Variants in CPNE9 observed in about 807,000 individuals in gnomAD.
CPNE9 encodes the protein copine-9.
CPNE9 carries 59 observed loss-of-function variants against 83.0 expected under a neutral mutation model. That is an observed-to-expected ratio of 0.71 (90% CI 0.58 to 0.88). The LOEUF is 0.88. CPNE9 is among the 40% of genes least tolerant of loss of function. CPNE9 has a pLI of 0.00. For synonymous variants in CPNE9, 256 were observed against 273.4 expected (o/e 0.94, Z 0.63); for missense variants, 619 against 720.8 (o/e 0.86, Z 1.62).
At chr3:9,715,056 C>A in intron 11 of CPNE9, 101 bp downstream of exon 11, 1 of 1,145,430 alleles carries the variant, frequency 8.7e-7, no homozygotes, top group Non-Finnish European at 1.3e-6. Context: ...CTTTAGGAGC[C>A]AGGAAAGGTG....
At chr3:9,707,940 TTTG>T (rs1465723423) in intron 7 of CPNE9, among the ~76,000 whole-genome samples, 2 of 152,014 alleles carry the variant, frequency 1.3e-5, no homozygotes, top group Non-Finnish European at 2.9e-5. Flanking sequence ...GGATGTTGGT[TTTG>T]TTGTTGTTTT....
intron 17 of CPNE9, among the ~76,000 whole-genome samples, chr3:9,725,448 T>A (rs1286660973): frequency 6.6e-6 from 1 of 151,766 alleles, no homozygotes; most frequent in Non-Finnish European, 1.5e-5. Context: ...GGCAGGAGGA[T>A]CACCTGAGCC....
chr3:9,715,848 G>A (rs1280228047), intron 13 of CPNE9, 126 bp from the exon 14 acceptor site: 2 of 763,030 alleles, frequency 2.6e-6, no homozygotes, highest in African/African-American at 3.5e-5. Context: ...GGGACTGACT[G>A]GGGGAGCGGG....
Sources: gnomAD v4.1 joint callset for allele counts (sites outside exome capture counted in the v4.1 genomes callset) on GRCh38, gnomAD v4.1.1 for gene constraint, MANE v1.5 for transcripts, NCBI Gene and HGNC (gene_info 2026-07-23, HGNC 2026-07-21) for gene names.